Variants in RETREG1 observed in about 807,000 individuals in gnomAD.
The protein encoded by RETREG1 is reticulophagy regulator 1, also known as family with sequence similarity 134 member B.
Under a neutral mutation model 54.8 loss-of-function variants are expected in RETREG1, and 44 were observed. The observed-to-expected ratio is 0.80, with a 90% CI of 0.63 to 1.03. The LOEUF (loss-of-function observed/expected upper bound fraction) is 1.03. Ranked by LOEUF, RETREG1 falls within the 50% of genes least tolerant of loss-of-function variation. The pLI is 0.00. For synonymous variants in RETREG1, 217 were observed against 238.5 expected, an observed-to-expected ratio of 0.91 and a Z score of 0.83; for missense variants, 554 against 605.1, an observed-to-expected ratio of 0.92 and a Z score of 0.89.
At chr5:16,566,536 A>G (rs1205792635) in intron 2 of RETREG1, among the ~76,000 whole-genome samples, 1 of 152,230 alleles carries the variant, frequency 6.6e-6, no homozygotes, top group Non-Finnish European at 1.5e-5. Context: ...CGCATTTTCC[A>G]TCTAACAAAA....
intron 3 of RETREG1, among the ~76,000 whole-genome samples, chr5:16,562,939 G>T (rs1174840774): frequency 2.6e-5 from 4 of 152,002 alleles, no homozygotes; most frequent in African/African-American, 9.7e-5. Flanking sequence ...ATTAGCTATT[G>T]CTTCATTGAT....
Position 16,597,266 on chromosome 5 carries a change from T to C in RETREG1, c.320+19386A>G, listed in dbSNP as rs959914026. Among the ~76,000 whole-genome samples, 3 of 152,180 alleles carry C rather than the reference T, an allele frequency of 2.0e-5. No homozygotes were observed. The highest frequency in any genetic ancestry group is 7.2e-5 in the African/African-American group (3 of 41,444). ...AATATTAGTAACGACACCTACCTCC[T>C]CCAACAGTTGTTATGTATATGGAGT... On this transcript the variant is annotated intron_variant, in intron 1 of 8. Coordinates refer to ENST00000306320, the MANE Select transcript of RETREG1 (RefSeq NM_001034850.3). The surrounding 1 kb of genome is among the most constrained non-coding windows in gnomAD (Gnocchi z 4.3).
chr5:16,613,828 A>T (rs1162892868), intron 1 of RETREG1, among the ~76,000 whole-genome samples: 2 of 152,098 alleles, frequency 1.3e-5, no homozygotes, highest in Admixed American at 1.3e-4. Context: ...ATAATTTAAG[A>T]TCATTTGAGA....
In RETREG1 at chr5:16,548,879, C is replaced by A. The variant is rs976689497; in HGVS notation, c.458+16884G>T. The stretch of plus-strand genomic sequence containing the variant: ...GAGAAATAAATATCTGTTATTTAAG[C>A]CACCCAATCTATGGTATTCTGTTAC... On this transcript the variant is annotated intron_variant, in intron 3 of 8. Transcript: ENST00000306320. Among the ~76,000 whole-genome samples, 3 of 152,184 alleles carry A rather than the reference C, an allele frequency of 2.0e-5. No individual in the cohort carries two copies. The South Asian group carries it at 6.2e-4, about 32-fold the overall frequency.
chr5:16,564,464 C>T (rs1741953382), intron 3 of RETREG1, among the ~76,000 whole-genome samples: 1 of 152,154 alleles, frequency 6.6e-6, no homozygotes, highest in African/African-American at 2.4e-5. Flanking sequence ...TAATCCATTC[C>T]AAACACATGA....
At chr5:16,515,305 CT>C (rs1333676285) in intron 3 of RETREG1, among the ~76,000 whole-genome samples, 1 of 152,086 alleles carries the variant, frequency 6.6e-6, no homozygotes, top group African/African-American at 2.4e-5. Context: ...CTTTCTGAAA[CT>C]TGCTCCTCCT....
At position 16,557,996 on chromosome 5, in the gene RETREG1, T is replaced by A. The variant is rs1741756613; in HGVS notation, c.458+7767A>T. Among the ~76,000 whole-genome samples, 4 of 151,674 alleles carry A rather than the reference T, an allele frequency of 2.6e-5. No homozygotes were observed. The South Asian group carries it at 8.4e-4, about 32-fold the overall frequency. The stretch of plus-strand genomic sequence containing the variant: ...AGGAGTGGGTTAGTTACCATGACAG[T>A]GGGCTTGTTATAAAAGTGAGTTTGA... On this transcript the variant is annotated intron_variant, in intron 3 of 8. Coordinates refer to ENST00000306320, the MANE Select transcript of RETREG1 (RefSeq NM_001034850.3).
intron 3 of RETREG1, among the ~76,000 whole-genome samples, chr5:16,516,443 C>A (rs1456296716): frequency 6.6e-6 from 1 of 152,196 alleles, no homozygotes; most frequent in Non-Finnish European, 1.5e-5. Context: ...ACAACCGAAT[C>A]TCCAGAAGAA....
At chr5:16,602,660 G>A (rs544126884) in intron 1 of RETREG1, among the ~76,000 whole-genome samples, 12 of 152,304 alleles carry the variant, frequency 7.9e-5, no homozygotes, top group African/African-American at 2.9e-4. Flanking sequence ...GAATCGGGGT[G>A]CCAGGAGAAA....
chr5:16,564,661 C>T (rs1479637459), intron 3 of RETREG1, among the ~76,000 whole-genome samples: 2 of 152,206 alleles, frequency 1.3e-5, no homozygotes, highest in African/African-American at 2.4e-5. Flanking sequence ...CCACCCCTCC[C>T]AGGCTGCCCG....
intron 3 of RETREG1, among the ~76,000 whole-genome samples, chr5:16,535,420 T>C (rs1234012768): frequency 6.6e-6 from 1 of 150,772 alleles, no homozygotes; most frequent in Non-Finnish European, 1.5e-5. Context: ...GCATGCTCCC[T>C]TCACAAAGTG....
intron 3 of RETREG1, among the ~76,000 whole-genome samples, chr5:16,545,854 C>T (rs1174377684): frequency 6.6e-6 from 1 of 152,216 alleles, no homozygotes; most frequent in Non-Finnish European, 1.5e-5. Flanking sequence ...TAAATTAGCT[C>T]TTCAGAGCCA....
intron 1 of RETREG1, among the ~76,000 whole-genome samples, chr5:16,611,922 AG>A (rs1743351964): frequency 6.6e-6 from 1 of 152,026 alleles, no homozygotes; most frequent in South Asian, 2.1e-4. Context: ...AAAATTAGCC[AG>A]GCTTGGTGGC....
intron 1 of RETREG1, among the ~76,000 whole-genome samples, chr5:16,610,189 T>C (rs1579729173): frequency 6.6e-6 from 1 of 152,218 alleles, no homozygotes; most frequent in East Asian, 1.9e-4. Context: ...CCAAAACAAT[T>C]TGACTCGGTA....
intron 1 of RETREG1, among the ~76,000 whole-genome samples, chr5:16,603,656 C>A (rs1019303455): frequency 6.6e-6 from 1 of 152,026 alleles, no homozygotes; most frequent in Non-Finnish European, 1.5e-5. Flanking sequence ...GCCTCCCAGC[C>A]CCCCAGCCCA....
intron 3 of RETREG1, among the ~76,000 whole-genome samples, chr5:16,511,467 T>G (rs1398342500): frequency 6.6e-6 from 1 of 152,106 alleles, no homozygotes; most frequent in Non-Finnish European, 1.5e-5. Context: ...CTACAATATT[T>G]TCAACTTAGG....
At chr5:16,521,659 A>G (rs896180764) in intron 3 of RETREG1, among the ~76,000 whole-genome samples, 4 of 152,350 alleles carry the variant, frequency 2.6e-5, no homozygotes, top group Admixed American at 6.5e-5. Flanking sequence ...CTCAGCTCAA[A>G]ACAAACCTTA....
intron 2 of RETREG1, among the ~76,000 whole-genome samples, chr5:16,571,518 A>T (rs1235071259): frequency 6.6e-6 from 1 of 150,594 alleles, no homozygotes; most frequent in East Asian, 1.9e-4. Flanking sequence ...TTTTTTTTTT[A>T]AACCAAGCTC....
At chr5:16,571,658 T>A (rs1473238100) in intron 2 of RETREG1, among the ~76,000 whole-genome samples, 1 of 152,240 alleles carries the variant, frequency 6.6e-6, no homozygotes, top group African/African-American at 2.4e-5. Context: ...AGAAAATTTT[T>A]ACATAAACTA....
Sources: gnomAD v4.1 joint callset for allele counts (sites outside exome capture counted in the v4.1 genomes callset) on GRCh38, gnomAD v4.1.1 for gene constraint, Gnocchi (gnomAD v3.1) non-coding constraint, MANE v1.5 for transcripts, NCBI Gene and HGNC (gene_info 2026-07-23, HGNC 2026-07-21) for gene names.